Variants in TANC1 observed in about 807,000 individuals in gnomAD.
TANC1 encodes the protein tetratricopeptide repeat, ankyrin repeat and coiled-coil containing 1, also known as protein TANC1.
Under a neutral mutation model 149.7 loss-of-function variants are expected in TANC1, and 77 were observed. The ratio of observed to expected loss-of-function variants is 0.51; its 90% CI spans 0.43 to 0.62. The LOEUF is 0.62. Among genes scored for constraint, TANC1 ranks in the 20% least tolerant of loss-of-function variants. The pLI is 0.00. For missense variants in TANC1, 1,985 were observed against 2,321.8 expected, an observed-to-expected ratio of 0.85 and a Z score of 2.98; for synonymous variants, 854 against 925.0, an observed-to-expected ratio of 0.92 and a Z score of 1.39.
chr2:159,230,204 G>T lies in TANC1; in HGVS notation c.4778G>T (p.Gly1593Val). ...EGTGTFTTRA[G>V]CGHFGDRLGP... Reference sequence around the variant, plus strand: ...ACAGGTACTTTCACTACAAGAGCTGGTTGTGGCCACTTTGGGGATCGGCTG... The same window carrying T: ...ACAGGTACTTTCACTACAAGAGCTGTTTGTGGCCACTTTGGGGATCGGCTG... Residue 1593 changes from glycine to valine, a missense_variant, in exon 27 of 27, where the codon GGT becomes GTT. Coordinates refer to ENST00000263635, the MANE Select transcript of TANC1 (RefSeq NM_033394.3). The surrounding 1 kb of genome is among the most constrained non-coding windows in gnomAD (Gnocchi z 4.4). 3.7e-6 allele frequency: 6 copies of T among 1,614,030 alleles called. No individual in the cohort carries two copies. Among genetic ancestry groups the T allele is most frequent in the Non-Finnish European group, 5.1e-6 (6 of 1,180,034 alleles).
chr2:159,111,317 G>A (rs2047692433), intron 4 of TANC1, among the ~76,000 whole-genome samples: 1 of 152,200 alleles, frequency 6.6e-6, no homozygotes, highest in South Asian at 2.1e-4. Flanking sequence ...AACTCCGGTT[G>A]AAACTGAGCA....
At chr2:159,098,644 G>T in intron 4 of TANC1, among the ~76,000 whole-genome samples, 1 of 152,064 alleles carries the variant, frequency 6.6e-6, no homozygotes, top group Middle Eastern at 3.2e-3. Context: ...CTTGTAAAGG[G>T]GGGTGGGGGA....
chr2:159,122,871 G>T (rs1023444713), intron 4 of TANC1, among the ~76,000 whole-genome samples: 1 of 151,314 alleles, frequency 6.6e-6, no homozygotes, highest in Admixed American at 6.6e-5. Flanking sequence ...TTCACCAGCA[G>T]TTTTTATATT....
intron 17 of TANC1, 122 bp downstream of exon 17, chr2:159,194,615 C>A: frequency 1.1e-6 from 1 of 888,568 alleles, no homozygotes; most frequent in Non-Finnish European, 1.8e-6. Flanking sequence ...CAGAAAGGGT[C>A]GGGCTCCAGG....
intron 2 of TANC1, among the ~76,000 whole-genome samples, chr2:159,028,047 C>T (rs905377150): frequency 6.6e-6 from 1 of 152,190 alleles, no homozygotes; most frequent in Admixed American, 6.5e-5. Flanking sequence ...CACCTCCACT[C>T]CACATATGAA....
At chr2:159,220,943 T>A (rs2059670679) in intron 22 of TANC1, among the ~76,000 whole-genome samples, 2 of 152,240 alleles carry the variant, frequency 1.3e-5, no homozygotes, top group South Asian at 4.1e-4. Flanking sequence ...GATGTTTTGA[T>A]ACTTGTACAC....
At chr2:159,174,088 G>T (rs1465612392) in intron 11 of TANC1, among the ~76,000 whole-genome samples, 1 of 152,176 alleles carries the variant, frequency 6.6e-6, no homozygotes, top group Non-Finnish European at 1.5e-5. Context: ...GTAGCTCTTG[G>T]CACGAGTGTT....
At chr2:159,047,211 T>C (rs915449565) in intron 2 of TANC1, among the ~76,000 whole-genome samples, 2 of 148,360 alleles carry the variant, frequency 1.3e-5, no homozygotes, top group Non-Finnish European at 3.0e-5. Context: ...TATTGCCTGC[T>C]TCCTGCTCCC....
At chr2:159,032,491 T>G (rs534986955) in intron 2 of TANC1, among the ~76,000 whole-genome samples, 1 of 152,322 alleles carries the variant, frequency 6.6e-6, no homozygotes, top group South Asian at 2.1e-4. Context: ...AGCCAAGAAT[T>G]GTGCTGCTTT....
At position 159,231,249 on chromosome 2, in the gene TANC1, C is replaced by T. The variant is rs887180632; in HGVS notation, c.*237C>T. 2 of 410,936 alleles carry T rather than the reference C, an allele frequency of 4.9e-6. No homozygotes were observed. Among genetic ancestry groups the T allele is most frequent in the Non-Finnish European group, 8.7e-6 (2 of 231,056 alleles). 25.5% of individuals were successfully genotyped at this position (410,936 alleles called of 1,614,324 possible). ...ATATCAACTTAAAATTTTAAGACAG[C>T]CCAGAAGACATTAATGACTCTCACT... is the stretch of plus-strand genomic sequence containing the variant. On this transcript the variant is annotated 3_prime_UTR_variant, in exon 27 of 27. Coordinates refer to ENST00000263635, the MANE Select transcript of TANC1 (RefSeq NM_033394.3).
chr2:159,116,790 T>C (rs2048312302), intron 4 of TANC1, among the ~76,000 whole-genome samples: 1 of 152,208 alleles, frequency 6.6e-6, no homozygotes, highest in African/African-American at 2.4e-5. Flanking sequence ...TATTCAACCA[T>C]GTGCTAGACA....
intron 7 of TANC1, among the ~76,000 whole-genome samples, chr2:159,159,273 C>A (rs535239648): frequency 6.6e-6 from 1 of 151,924 alleles, no homozygotes; most frequent in South Asian, 2.1e-4. Context: ...TGGCGGCACC[C>A]TGTCTCTACA....
At chr2:159,041,644 T>G (rs2040643036) in intron 2 of TANC1, among the ~76,000 whole-genome samples, 1 of 152,162 alleles carries the variant, frequency 6.6e-6, no homozygotes, top group Non-Finnish European at 1.5e-5. Context: ...GTTGGAAAAG[T>G]GCAGTGTTAG....
At chr2:159,193,908 C>CTG (rs1357270307) in intron 16 of TANC1, among the ~76,000 whole-genome samples, 1 of 152,010 alleles carries the variant, frequency 6.6e-6, no homozygotes, top group Non-Finnish European at 1.5e-5. Flanking sequence ...GTGCAGCAGG[C>CTG]TGTTCACAGG....
intron 2 of TANC1, among the ~76,000 whole-genome samples, chr2:159,012,832 T>C (rs1460309042): frequency 1.3e-5 from 2 of 152,212 alleles, no homozygotes; most frequent in Non-Finnish European, 2.9e-5. Flanking sequence ...TTTTAATTTT[T>C]GTTTGACATT....
At chr2:159,158,227 G>A (rs1056139657) in intron 7 of TANC1, among the ~76,000 whole-genome samples, 13 of 152,112 alleles carry the variant, frequency 8.5e-5, no homozygotes, top group African/African-American at 2.4e-4. Context: ...GGTGCTGGTG[G>A]TGCATGCCTG....
intron 6 of TANC1, 26 bp from the exon 7 acceptor site, chr2:159,150,344 A>C: frequency 3.8e-6 from 6 of 1,592,880 alleles, no homozygotes; most frequent in Non-Finnish European, 4.3e-6. Flanking sequence ...AAGCCGTGCT[A>C]ACTCCTCCTT....
chr2:159,011,758 A>T lies in TANC1; in HGVS notation c.-16+10569A>T, dbSNP rs1056935114. On this transcript the variant is annotated intron_variant, in intron 2 of 26. Transcript: ENST00000263635. ...ATCAGAGACTTTGACTTACATTTTT[A>T]AAAAAATGATTTTTATATGTGCCAA... 6.6e-5 allele frequency among the ~76,000 whole-genome samples: 10 copies of T among 152,110 alleles called. No individual in the cohort carries two copies. In the East Asian group the frequency reaches 7.7e-4, roughly 12 times the overall value.
chr2:159,031,818 A>G (rs531501876), intron 2 of TANC1, among the ~76,000 whole-genome samples: 2 of 152,354 alleles, frequency 1.3e-5, no homozygotes, highest in South Asian at 2.1e-4. Context: ...TGTGGTTCAC[A>G]TGGGCATGCA....
Sources: gnomAD v4.1 joint callset for allele counts (sites outside exome capture counted in the v4.1 genomes callset) on GRCh38, gnomAD v4.1.1 for gene constraint, Gnocchi (gnomAD v3.1) non-coding constraint, MANE v1.5 for transcripts, NCBI Gene and HGNC (gene_info 2026-07-23, HGNC 2026-07-21) for gene names.